Variants in EPHA4 observed in about 807,000 individuals in gnomAD.
The protein encoded by EPHA4 is ephrin type-A receptor 4.
EPHA4 carries 19 observed loss-of-function variants against 108.3 expected under a neutral mutation model. The ratio of observed to expected loss-of-function variants is 0.18; its 90% CI spans 0.12 to 0.26. The LOEUF (loss-of-function observed/expected upper bound fraction) is 0.26, where lower values mean the gene tolerates loss of function less well. EPHA4 is among the 10% of genes least tolerant of loss of function. The probability of loss-of-function intolerance (pLI) is 1.00; values close to 1 mark genes in which losing one functional copy is unlikely to be tolerated. For missense variants in EPHA4, 917 were observed against 1,254.0 expected (o/e 0.73, Z 4.06); for synonymous variants, 449 against 455.5 (o/e 0.99, Z 0.18).
At chr2:221,551,705 C>T (rs546750923) in intron 3 of EPHA4, among the ~76,000 whole-genome samples, 2 of 152,218 alleles carry the variant, frequency 1.3e-5, no homozygotes, top group Admixed American at 1.3e-4. Context: ...GTACACTAGC[C>T]ATTCTTTATC....
chr2:221,489,718 A>C (rs1692084082), intron 4 of EPHA4, among the ~76,000 whole-genome samples: 1 of 152,186 alleles, frequency 6.6e-6, no homozygotes, highest in Non-Finnish European at 1.5e-5. Context: ...TTTCAGGTTT[A>C]TGAGAATATC....
chr2:221,551,240 TAAG>T (rs1159855198), intron 3 of EPHA4, among the ~76,000 whole-genome samples: 1 of 152,100 alleles, frequency 6.6e-6, no homozygotes, highest in Non-Finnish European at 1.5e-5. Context: ...GATAGTTCAA[TAAG>T]AAGATTGGAT....
intron 17 of EPHA4, among the ~76,000 whole-genome samples, chr2:221,424,916 T>C (rs924660370): frequency 6.6e-6 from 1 of 152,154 alleles, no homozygotes; most frequent in African/African-American, 2.4e-5. Context: ...GGAGGAGCCC[T>C]TCGTGATGGA....
At position 221,566,951 on chromosome 2, in the gene EPHA4, AGAAGGG is replaced by A. The variant is rs1559297384; in HGVS notation, c.159+1761_159+1766del. Among the ~76,000 whole-genome samples the A allele has an allele frequency of 2.1e-4, 10 of 48,626 alleles. 3 individuals carry two copies. The highest frequency in any genetic ancestry group is 1.1e-3 in the African/African-American group (9 of 8,292). The allele number at this position is 48,626 out of a possible 152,430, so 31.9% of individuals were successfully genotyped here. On this transcript the variant is annotated intron_variant, in intron 2 of 17. Transcript: ENST00000281821. ...GAGAAGGAGAAGGAGAAGGAGAAGGAGAAGGGGAAGAGGAAGAGGAAGAAGAAGAAG... is the reference window on the plus strand; with the variant it reads ...GAGAAGGAGAAGGAGAAGGAGAAGGAGAAGAGGAAGAGGAAGAAGAAGAAG...
chr2:221,491,266 T>G (rs1417168687), intron 4 of EPHA4, among the ~76,000 whole-genome samples: 1 of 152,220 alleles, frequency 6.6e-6, no homozygotes, highest in African/African-American at 2.4e-5. Flanking sequence ...AAAGTAGAAT[T>G]GAGTATTTCA....
chr2:221,441,599 G>A (rs1229178795), intron 11 of EPHA4, among the ~76,000 whole-genome samples: 1 of 152,020 alleles, frequency 6.6e-6, no homozygotes, highest in Non-Finnish European at 1.5e-5. Flanking sequence ...CTGTCACCCC[G>A]ACTCTCCACT....
rs1365023663 is a variant in EPHA4 at position 221,469,911 on chromosome 2, T to C, written c.1319-11921A>G. On this transcript the variant is annotated intron_variant, in intron 5 of 17. Transcript: ENST00000281821. ...GTTTTTTAATCGTCATTTAAAAAGA[T>C]CACGTGAGCTGCTCCAAAACATGTC... Among the ~76,000 whole-genome samples the C allele has an allele frequency of 3.3e-5, 5 of 152,188 alleles. No homozygotes were observed. In the East Asian group the frequency reaches 9.6e-4, roughly 29 times the overall value.
At chr2:221,488,225 T>A (rs555246725) in intron 4 of EPHA4, among the ~76,000 whole-genome samples, 1 of 152,288 alleles carries the variant, frequency 6.6e-6, no homozygotes, top group South Asian at 2.1e-4. Flanking sequence ...ATTGAAAATA[T>A]GATGAAAGCA....
rs148645709 is a variant in EPHA4 at position 221,438,181 on chromosome 2, AT to A, written c.2075-1060del. Among the ~76,000 whole-genome samples, 36 of 149,444 alleles carry A rather than the reference AT, an allele frequency of 2.4e-4. 1 individual carries two copies. The South Asian group carries it at 3.0e-3, about 12-fold the overall frequency. The stretch of plus-strand genomic sequence containing the variant: ...CTTATTTCCCCCATTCCCCCTACCT[AT>A]TTTTTTTTTCTGCAAAGAAATAAAA... On this transcript the variant is annotated intron_variant, in intron 11 of 17. Coordinates refer to ENST00000281821, the MANE Select transcript of EPHA4 (RefSeq NM_004438.5).
chr2:221,446,988 G>A (rs1246353540), intron 8 of EPHA4, among the ~76,000 whole-genome samples: 2 of 152,244 alleles, frequency 1.3e-5, no homozygotes, highest in East Asian at 3.9e-4. Flanking sequence ...GAAATCTTCA[G>A]TACACATAAA....
intron 4 of EPHA4, 117 bp downstream of exon 4, chr2:221,500,900 T>A (rs1692466736): frequency 1.8e-6 from 2 of 1,104,844 alleles, no homozygotes; most frequent in Non-Finnish European, 2.5e-6. Flanking sequence ...AAAGGATGAA[T>A]GTTTGATCTC....
chr2:221,485,865 G>A (rs1268801472), intron 4 of EPHA4, among the ~76,000 whole-genome samples: 3 of 151,924 alleles, frequency 2.0e-5, no homozygotes, highest in Non-Finnish European at 2.9e-5. Context: ...AGTTAATACC[G>A]AACTGCAGCA....
chr2:221,527,040 T>C (rs935093252), intron 3 of EPHA4, among the ~76,000 whole-genome samples: 3 of 150,678 alleles, frequency 2.0e-5, no homozygotes, highest in African/African-American at 4.9e-5. Context: ...GGCAGGAGAA[T>C]GGCGTGAACC....
At chr2:221,538,386 A>G (rs927923263) in intron 3 of EPHA4, among the ~76,000 whole-genome samples, 2 of 152,240 alleles carry the variant, frequency 1.3e-5, no homozygotes, top group African/African-American at 2.4e-5. Flanking sequence ...AATGAGAGTA[A>G]CTAGTATATT....
At chr2:221,445,315 T>A (rs1422488077) in intron 9 of EPHA4, among the ~76,000 whole-genome samples, 4 of 151,974 alleles carry the variant, frequency 2.6e-5, no homozygotes, top group Admixed American at 2.0e-4. Flanking sequence ...ACTGGCTGGG[T>A]GCGGTGGCTC....
rs1010675408 is a variant in EPHA4, at chr2:221,530,128, C to T, written c.824-28956G>A. Among the ~76,000 whole-genome samples, 7 of 150,892 alleles carry T rather than the reference C, an allele frequency of 4.6e-5. No individual in the cohort carries two copies. The South Asian group carries it at 8.4e-4, about 18-fold the overall frequency. On this transcript the variant is annotated intron_variant, in intron 3 of 17. Coordinates refer to ENST00000281821, the MANE Select transcript of EPHA4 (RefSeq NM_004438.5). ...AGATTTGAAAAAAGGAACATTGTTG[C>T]ACAAACTGGTTATTAGAACAAGGTT... is the stretch of plus-strand genomic sequence containing the variant.
At chr2:221,519,233 T>TC (rs1474680132) in intron 3 of EPHA4, among the ~76,000 whole-genome samples, 5 of 150,992 alleles carry the variant, frequency 3.3e-5, no homozygotes, top group African/African-American at 1.2e-4. Flanking sequence ...TTTAAACACT[T>TC]TTTTTTTAAA....
At position 221,443,506 on chromosome 2, in the gene EPHA4, T is replaced by A. The variant is rs10498111; in HGVS notation, c.1875A>T (p.Lys625Asn). 1 of 1,613,348 alleles carries A rather than the reference T, an allele frequency of 6.2e-7. No individual in the cohort carries two copies. The highest frequency in any genetic ancestry group is 8.5e-7 in the Non-Finnish European group (1 of 1,179,568). Reference protein sequence around the residue: ...EIDASCIKIEKVIGVGEFGEV... With the variant: ...EIDASCIKIENVIGVGEFGEV... Reference sequence around the variant, plus strand: ...TCAGACACTTACCAACTCCTATAACTTTTTCAATCTTAATGCAGGATGCGT... The same window carrying A: ...TCAGACACTTACCAACTCCTATAACATTTTCAATCTTAATGCAGGATGCGT... Residue 625 changes from lysine (K) to asparagine (N), a missense_variant, in exon 10 of 18, where the codon AAA becomes AAT. Lys to Asn is a moderately conservative substitution (Grantham distance 94, BLOSUM62 0). Transcript: ENST00000281821.
chr2:221,519,900 C>T (rs999288849), intron 3 of EPHA4, among the ~76,000 whole-genome samples: 2 of 151,976 alleles, frequency 1.3e-5, no homozygotes, highest in Non-Finnish European at 2.9e-5. Flanking sequence ...TCCAATGCAA[C>T]CTAGAGTCCT....
Sources: allele counts gnomAD v4.1 joint callset (sites outside exome capture counted in the v4.1 genomes callset), GRCh38; gene constraint gnomAD v4.1.1; transcripts MANE v1.5; gene names NCBI Gene and HGNC (gene_info 2026-07-23, HGNC 2026-07-21).